KLF12: variants seen among roughly 807,000 people sequenced by gnomAD.
KLF12 encodes KLF transcription factor 12.
Under a neutral mutation model 37.8 loss-of-function variants are expected in KLF12, and 9 were observed. That is an observed-to-expected ratio of 0.24 (90% CI 0.14 to 0.42). The LOEUF is 0.42. Among genes scored for constraint, KLF12 ranks in the 10% least tolerant of loss-of-function variants. The pLI is 1.00. For synonymous variants in KLF12, 208 were observed against 202.1 expected (o/e 1.03, Z -0.25); for missense variants, 411 against 516.0 (o/e 0.80, Z 1.97).
chr13:74,030,018 A>G (rs747976023), intron 1 of KLF12, among the ~76,000 whole-genome samples: 1 of 152,110 alleles, frequency 6.6e-6, no homozygotes, highest in Non-Finnish European at 1.5e-5. Flanking sequence ...TTTCCTCCAT[A>G]AAACTCCACA....
rs1485926894 is a variant in KLF12, at chr13:73,688,687, G to A, written c.*6803C>T. 2 of 152,254 alleles carry A rather than the reference G, an allele frequency of 1.3e-5. No homozygotes were observed. The highest frequency in any genetic ancestry group is 4.8e-5 in the African/African-American group (2 of 41,548). 9.4% of individuals were successfully genotyped at this position (152,254 alleles called of 1,614,324 possible). The stretch of plus-strand genomic sequence containing the variant: ...TGATCCTTCATGCATGATTTTCCGG[G>A]AAAGGCCTGATTTCAAATATTCAGT... On this transcript the variant is annotated 3_prime_UTR_variant, in exon 8 of 8. Transcript: ENST00000377669.
At chr13:74,127,307 G>A (rs1043187232) in intron 1 of KLF12, among the ~76,000 whole-genome samples, 1 of 152,230 alleles carries the variant, frequency 6.6e-6, no homozygotes, top group Admixed American at 6.5e-5. Flanking sequence ...AAAGTGAATC[G>A]AGGAATGGTT....
At chr13:73,857,003 A>G (rs573696270) in intron 3 of KLF12, among the ~76,000 whole-genome samples, 10 of 152,240 alleles carry the variant, frequency 6.6e-5, no homozygotes, top group South Asian at 6.2e-4. Context: ...ATAAAATAAG[A>G]TAAAATATAA....
intron 6 of KLF12, among the ~76,000 whole-genome samples, chr13:73,724,059 T>C (rs1354084372): frequency 6.6e-6 from 1 of 152,198 alleles, no homozygotes; most frequent in African/African-American, 2.4e-5. Flanking sequence ...CAAAGGATTA[T>C]AAATCATTCT....
chr13:73,695,457 AGCTCTTAC>A lies in KLF12; in HGVS notation c.*25_*32del. The stretch of plus-strand genomic sequence containing the variant: ...TGAATTGGGTGCCGCTAAGAGATCC[AGCTCTTAC>A]GCTCAGCTGGACAGGTAGCATTCCT... On this transcript the variant is annotated 3_prime_UTR_variant, in exon 8 of 8. Transcript: ENST00000377669. 6.2e-6 allele frequency: 10 copies of A among 1,607,342 alleles called. No homozygotes were observed. Among genetic ancestry groups the A allele is most frequent in the Middle Eastern group, 2.0e-4 (1 of 5,090 alleles).
In KLF12 at chr13:73,980,188, T is replaced by C. The variant is rs1020451721; in HGVS notation, c.33+14802A>G. Among the ~76,000 whole-genome samples the C allele has an allele frequency of 2.0e-5, 3 of 152,180 alleles. No individual in the cohort carries two copies. The South Asian group carries it at 6.2e-4, about 32-fold the overall frequency. ...AATAAACCAAATACAATTTATCAAA[T>C]CTGACTCAAGAAGAAACTGAAAACC... On this transcript the variant is annotated intron_variant, in intron 2 of 7. Coordinates refer to ENST00000377669, the MANE Select transcript of KLF12 (RefSeq NM_007249.5).
chr13:73,846,727 T>C (rs1885046990), intron 3 of KLF12, among the ~76,000 whole-genome samples: 2 of 152,176 alleles, frequency 1.3e-5, no homozygotes. Context: ...ACATATTACC[T>C]GGCAACAATA....
chr13:74,084,696 AG>A (rs981302320), intron 1 of KLF12, among the ~76,000 whole-genome samples: 1 of 152,198 alleles, frequency 6.6e-6, no homozygotes, highest in African/African-American at 2.4e-5. Flanking sequence ...TAGATGGTTT[AG>A]GAAACAATAA....
intron 1 of KLF12, among the ~76,000 whole-genome samples, chr13:74,109,012 C>T (rs185748585): frequency 1.7e-3 from 257 of 152,130 alleles, no homozygotes; most frequent in African/African-American, 5.9e-3. Context: ...ATCCAAAACA[C>T]AGAAATGGCA....
chr13:73,853,504 A>C (rs1260924688), intron 3 of KLF12, among the ~76,000 whole-genome samples: 1 of 152,184 alleles, frequency 6.6e-6, no homozygotes, highest in Non-Finnish European at 1.5e-5. Flanking sequence ...GCCAAGGCTG[A>C]GGCCAGCAGA....
intron 2 of KLF12, among the ~76,000 whole-genome samples, chr13:73,992,521 A>G (rs1234909776): frequency 6.6e-6 from 1 of 152,126 alleles, no homozygotes; most frequent in African/African-American, 2.4e-5. Flanking sequence ...CTGAAAGTAA[A>G]ACTCTCAGTA....
At chr13:74,046,965 T>C (rs1053246549) in intron 1 of KLF12, among the ~76,000 whole-genome samples, 2 of 152,212 alleles carry the variant, frequency 1.3e-5, no homozygotes, top group African/African-American at 4.8e-5. Context: ...TATTCATTGT[T>C]TTCTTAGGAA....
chr13:73,896,940 G>A (rs1476017351), intron 3 of KLF12, among the ~76,000 whole-genome samples: 1 of 152,056 alleles, frequency 6.6e-6, no homozygotes, highest in Admixed American at 6.5e-5. Context: ...CTCATAAAAA[G>A]TTCCTTTCCT....
chr13:73,982,008 C>T (rs957279794), intron 2 of KLF12, among the ~76,000 whole-genome samples: 1 of 152,052 alleles, frequency 6.6e-6, no homozygotes, highest in African/African-American at 2.4e-5. Context: ...GTTATCATGG[C>T]TTACAACTTA....
At chr13:74,077,403 T>G (rs899147685) in intron 1 of KLF12, among the ~76,000 whole-genome samples, 7 of 152,222 alleles carry the variant, frequency 4.6e-5, no homozygotes, top group Non-Finnish European at 1.0e-4. Flanking sequence ...CTAAAAGAAT[T>G]ATGGCTTCAA....
the KLF12 span, among the ~76,000 whole-genome samples, chr13:74,231,146 T>C: frequency 2.0e-5 from 3 of 152,016 alleles, no homozygotes; most frequent in East Asian, 3.9e-4. Context: ...GTGATCCTTA[T>C]AAAAGTAAAG....
intron 4 of KLF12, among the ~76,000 whole-genome samples, chr13:73,834,611 G>A (rs2148750): frequency 0.63 from 95,730 of 152,084 alleles, 30,988 homozygotes; most frequent in Non-Finnish European, 0.71. Flanking sequence ...TTCAGGTTCA[G>A]CCAATTCCTG....
In KLF12 at chr13:73,688,766, T is replaced by G. The variant is rs1271716203; in HGVS notation, c.*6724A>C. 1.3e-5 allele frequency: 2 copies of G among 152,166 alleles called. No homozygotes were observed. The highest frequency in any genetic ancestry group is 2.9e-5 in the Non-Finnish European group (2 of 68,032). 9.4% of individuals were successfully genotyped at this position (152,166 alleles called of 1,614,324 possible). A position where few individuals can be genotyped will look rare whatever the true frequency, so the allele number is the denominator to read the frequency against. The stretch of plus-strand genomic sequence containing the variant: ...GTCCCGATATTTCACTTGAAAAATA[T>G]GATGACTACTCATGCATGTTGTCCA... On this transcript the variant is annotated 3_prime_UTR_variant, in exon 8 of 8. Coordinates refer to ENST00000377669, the MANE Select transcript of KLF12 (RefSeq NM_007249.5).
At chr13:74,072,937 CAT>C (rs963919107) in intron 1 of KLF12, among the ~76,000 whole-genome samples, 26 of 152,300 alleles carry the variant, frequency 1.7e-4, no homozygotes, top group South Asian at 1.0e-3. Flanking sequence ...ATGATCCCCA[CAT>C]GTCATGGGAG....
Sources: allele counts gnomAD v4.1 joint callset (sites outside exome capture counted in the v4.1 genomes callset), GRCh38; gene constraint gnomAD v4.1.1; transcripts MANE v1.5; gene names NCBI Gene and HGNC (gene_info 2026-07-23, HGNC 2026-07-21).